The following HLCS variants were observed in gnomAD, a reference collection of about 807,000 sequenced individuals.
HLCS encodes biotin--protein ligase.
In HLCS, 53 loss-of-function variants were observed where a neutral mutation model predicts 75.0. That is an observed-to-expected ratio of 0.71 (90% CI 0.57 to 0.89). The LOEUF is 0.89. Ranked by LOEUF, HLCS falls within the 40% of genes least tolerant of loss-of-function variation. The pLI, the probability that HLCS is intolerant of heterozygous loss-of-function variation, is 0.00. For missense variants in HLCS, 966 were observed against 1,074.0 expected, an observed-to-expected ratio of 0.90 and a Z score of 1.41; for synonymous variants, 431 against 428.6, an observed-to-expected ratio of 1.01 and a Z score of -0.07.
chr21:36,774,979 A>G (rs1377162359), intron 6 of HLCS, among the ~76,000 whole-genome samples: 1 of 152,204 alleles, frequency 6.6e-6, no homozygotes, highest in Admixed American at 6.5e-5. Flanking sequence ...CTCTGTTGGT[A>G]TGCTTTAAAT....
intron 6 of HLCS, among the ~76,000 whole-genome samples, chr21:36,791,732 C>T (rs1461570114): frequency 2.0e-5 from 3 of 151,986 alleles, no homozygotes; most frequent in East Asian, 3.9e-4. Context: ...GCCACGGAAG[C>T]GGGTGCCACG....
At chr21:36,932,181 T>C (rs1181057644) in intron 4 of HLCS, among the ~76,000 whole-genome samples, 1 of 152,250 alleles carries the variant, frequency 6.6e-6, no homozygotes, top group African/African-American at 2.4e-5. Context: ...TAATCTTTCT[T>C]AAATGTACAT....
At chr21:36,780,359 C>T (rs1209698272) in intron 6 of HLCS, among the ~76,000 whole-genome samples, 1 of 152,162 alleles carries the variant, frequency 6.6e-6, no homozygotes, top group Non-Finnish European at 1.5e-5. Flanking sequence ...GCTGGAACTA[C>T]AGGTGCCCAC....
chr21:36,831,965 G>C (rs2062227169), intron 6 of HLCS, among the ~76,000 whole-genome samples: 1 of 152,090 alleles, frequency 6.6e-6, no homozygotes, highest in Non-Finnish European at 1.5e-5. Context: ...AAGGAGCCCA[G>C]GACACAGGGC....
intron 6 of HLCS, among the ~76,000 whole-genome samples, chr21:36,857,852 C>T (rs2063249727): frequency 6.6e-6 from 1 of 152,100 alleles, no homozygotes; most frequent in Non-Finnish European, 1.5e-5. Flanking sequence ...TGCAGTGGTG[C>T]AATCTCGGCT....
chr21:36,765,340 TCTGAAG>T (rs2145769308), intron 7 of HLCS, among the ~76,000 whole-genome samples, 168 bp from the exon 8 acceptor site: 1 of 152,246 alleles, frequency 6.6e-6, no homozygotes, highest in Admixed American at 6.5e-5. Flanking sequence ...CTTTTTAAAA[TCTGAAG>T]CTCTGTTGCT....
intron 6 of HLCS, among the ~76,000 whole-genome samples, chr21:36,813,251 T>C (rs928750731): frequency 1.3e-5 from 2 of 152,218 alleles, no homozygotes; most frequent in African/African-American, 4.8e-5. Flanking sequence ...AACGCAAACA[T>C]GCAGCCAAAC....
chr21:36,817,696 T>G (rs1305498196), intron 6 of HLCS, among the ~76,000 whole-genome samples: 3 of 152,212 alleles, frequency 2.0e-5, no homozygotes, highest in African/African-American at 7.2e-5. Flanking sequence ...GGTATAAGCT[T>G]CTTTCAAAAA....
intron 6 of HLCS, among the ~76,000 whole-genome samples, chr21:36,837,628 C>T (rs1442077552): frequency 1.3e-5 from 2 of 151,976 alleles, no homozygotes; most frequent in Admixed American, 6.6e-5. Context: ...TATAATTATA[C>T]TTAAAAAAAT....
chr21:36,984,697 T>C (rs537937048), intron 1 of HLCS, among the ~76,000 whole-genome samples: 1 of 152,288 alleles, frequency 6.6e-6, no homozygotes, highest in South Asian at 2.1e-4. Flanking sequence ...ACTTAATGGG[T>C]ACAATGTACA....
chr21:36,962,204 C>T (rs1198402382), intron 1 of HLCS, 34 bp from the exon 2 acceptor site: 13 of 1,258,900 alleles, frequency 1.0e-5, no homozygotes, highest in Non-Finnish European at 1.2e-5. Flanking sequence ...ATGAGATTGT[C>T]ACTTCATACC....
At chr21:36,887,142 A>T (rs1190521490) in intron 6 of HLCS, among the ~76,000 whole-genome samples, 1 of 152,088 alleles carries the variant, frequency 6.6e-6, no homozygotes, top group African/African-American at 2.4e-5. Flanking sequence ...AAAAAAAAAA[A>T]AAAGTCAGCA....
chr21:36,786,205 T>C (rs2060681637), intron 6 of HLCS, among the ~76,000 whole-genome samples: 1 of 152,142 alleles, frequency 6.6e-6, no homozygotes, highest in Non-Finnish European at 1.5e-5. Flanking sequence ...TTGTTGAGAG[T>C]GTATGCTGCT....
chr21:36,800,031 C>T (rs1483232425), intron 6 of HLCS, among the ~76,000 whole-genome samples: 20 of 152,164 alleles, frequency 1.3e-4, no homozygotes. Flanking sequence ...TTTCCTATGA[C>T]CCATTTCCAC....
At chr21:36,962,619 C>G (rs1030551049) in intron 1 of HLCS, among the ~76,000 whole-genome samples, 2 of 151,838 alleles carry the variant, frequency 1.3e-5, no homozygotes, top group Non-Finnish European at 2.9e-5. Context: ...GAAACCTTAT[C>G]TCTACAAAAA....
chr21:36,830,535 G>A (rs2062166410), intron 6 of HLCS, among the ~76,000 whole-genome samples: 1 of 152,038 alleles, frequency 6.6e-6, no homozygotes, highest in Admixed American at 6.6e-5. Flanking sequence ...TTTCACTTTA[G>A]TAAAAGTGGA....
chr21:36,837,540 G>A (rs984391039), intron 6 of HLCS, among the ~76,000 whole-genome samples: 6 of 152,118 alleles, frequency 3.9e-5, no homozygotes, highest in African/African-American at 1.4e-4. Context: ...AATCAAGAGG[G>A]AATTAATGTT....
chr21:36,766,873 C>A (rs1199156304), intron 7 of HLCS, among the ~76,000 whole-genome samples: 1 of 152,196 alleles, frequency 6.6e-6, no homozygotes, highest in Non-Finnish European at 1.5e-5. Context: ...ACACAGAAGG[C>A]TCCTTATGGA....
At chr21:36,930,126 A>G in intron 5 of HLCS, 125 bp downstream of exon 5, 1 of 900,206 alleles carries the variant, frequency 1.1e-6, no homozygotes, top group Non-Finnish European at 1.8e-6. Context: ...ATGATTTCCA[A>G]ACCCGAAGTC....
Sources: allele counts gnomAD v4.1 joint callset (sites outside exome capture counted in the v4.1 genomes callset), GRCh38; gene constraint gnomAD v4.1.1; transcripts MANE v1.5; gene names NCBI Gene and HGNC (gene_info 2026-07-23, HGNC 2026-07-21).